SMOC2: variants seen among roughly 807,000 people sequenced by gnomAD.
The protein encoded by SMOC2 is SPARC-related modular calcium-binding protein 2.
A neutral mutation model predicts 61.4 loss-of-function variants in SMOC2; 39 were observed. The ratio of observed to expected loss-of-function variants is 0.64; its 90% CI spans 0.49 to 0.83. SMOC2 has a LOEUF of 0.83. Ranked by LOEUF, SMOC2 falls within the 40% of genes least tolerant of loss-of-function variation. The pLI is 0.00. For missense variants in SMOC2, 556 were observed against 592.9 expected, an observed-to-expected ratio of 0.94 and a Z score of 0.65; for synonymous variants, 247 against 239.9, an observed-to-expected ratio of 1.03 and a Z score of -0.27.
At position 168,544,884 on chromosome 6, in the gene SMOC2, G is replaced by A. The variant is rs1221458667; in HGVS notation, c.511+1212G>A. Among the ~76,000 whole-genome samples the A allele has an allele frequency of 6.6e-6, 1 of 152,148 alleles. No individual in the cohort carries two copies. The highest frequency in any genetic ancestry group is 1.5e-5 in the Non-Finnish European group (1 of 68,034). On this transcript the variant is annotated intron_variant, in intron 5 of 12. Coordinates refer to ENST00000356284, the MANE Select transcript of SMOC2 (RefSeq NM_001166412.2). This position sits in a 1 kb window ranked among gnomAD's most constrained non-coding sequence, Gnocchi z 4.1. ...TGTCCAGAGGGTGCCTACCAAGGAT[G>A]AGGCAGGACTGGCTTCCTGGAAGGG...
At chr6:168,566,175 C>CTCTA (rs2115133654) in intron 7 of SMOC2, among the ~76,000 whole-genome samples, 1 of 152,164 alleles carries the variant, frequency 6.6e-6, no homozygotes, top group East Asian at 1.9e-4. Context: ...TGAAAGAAAC[C>CTCTA]TCTATCCTAT....
intron 4 of SMOC2, among the ~76,000 whole-genome samples, chr6:168,529,523 G>C (rs1478285620): frequency 1.3e-5 from 2 of 152,228 alleles, no homozygotes; most frequent in Non-Finnish European, 2.9e-5. Flanking sequence ...CAGGTCTACA[G>C]AGTTACGGAA....
At chr6:168,555,341 CCTGGGGTCCTGGGGT>C (rs2115114987) in intron 7 of SMOC2, among the ~76,000 whole-genome samples, 1 of 152,352 alleles carries the variant, frequency 6.6e-6, no homozygotes, top group East Asian at 1.9e-4. Context: ...GGTCCTGTGA[CCTGGGGTCCTGGGGT>C]TGGCTGGTTG....
At chr6:168,630,737 T>C (rs939095948) in intron 9 of SMOC2, among the ~76,000 whole-genome samples, 1 of 152,198 alleles carries the variant, frequency 6.6e-6, no homozygotes, top group Non-Finnish European at 1.5e-5. Context: ...GGAACATCCC[T>C]GAGAAAGAGA....
chr6:168,614,647 A>T (rs1281636533), intron 9 of SMOC2, among the ~76,000 whole-genome samples: 806 of 88,902 alleles, frequency 9.1e-3, no homozygotes, highest in Non-Finnish European at 0.011. Flanking sequence ...CTTCACACCT[A>T]CAGCCAGCAC....
At chr6:168,638,239 G>A (rs4708770) in intron 9 of SMOC2, among the ~76,000 whole-genome samples, 146,219 of 152,042 alleles carry the variant, frequency 0.96, 70,625 homozygotes, top group East Asian at 1. Flanking sequence ...TGTTGTTATT[G>A]TTATTATTAT....
chr6:168,498,006 C>T (rs923247970), intron 1 of SMOC2, among the ~76,000 whole-genome samples: 2 of 152,182 alleles, frequency 1.3e-5, no homozygotes, highest in Non-Finnish European at 2.9e-5. Flanking sequence ...CGGGACTGCA[C>T]AGCCGCTGCC....
At chr6:168,600,929 A>G (rs1163395833) in intron 8 of SMOC2, among the ~76,000 whole-genome samples, 1 of 152,220 alleles carries the variant, frequency 6.6e-6, no homozygotes, top group Non-Finnish European at 1.5e-5. Flanking sequence ...GTTCATGGAA[A>G]TTGTATAACC....
intron 4 of SMOC2, 36 bp downstream of exon 4, chr6:168,527,763 A>G: frequency 7.2e-7 from 1 of 1,382,244 alleles, no homozygotes; most frequent in Non-Finnish European, 1.0e-6. Context: ...GGAAGGCTTG[A>G]AGGGAATTGG....
Position 168,576,403 on chromosome 6 carries a change from C to T in SMOC2, c.638-22415C>T, listed in dbSNP as rs573324186. Among the ~76,000 whole-genome samples the T allele has an allele frequency of 3.7e-4, 56 of 152,226 alleles. No homozygotes were observed. In the South Asian group the frequency reaches 8.5e-3, roughly 23 times the overall value. On this transcript the variant is annotated intron_variant, in intron 7 of 12. Coordinates refer to ENST00000356284, the MANE Select transcript of SMOC2 (RefSeq NM_001166412.2). ...CGTTGTGATCTGAGGCACGTCCAGTCGGGCAGCAGATGGCTGACATCGCAG... is the reference window on the plus strand; with the variant it reads ...CGTTGTGATCTGAGGCACGTCCAGTTGGGCAGCAGATGGCTGACATCGCAG...
chr6:168,634,414 C>G (rs1786658166), intron 9 of SMOC2, among the ~76,000 whole-genome samples: 1 of 152,078 alleles, frequency 6.6e-6, no homozygotes, highest in Non-Finnish European at 1.5e-5. Flanking sequence ...TATTTATAAC[C>G]TTCTTATGGG....
At chr6:168,479,261 A>C (rs931440250) in intron 1 of SMOC2, among the ~76,000 whole-genome samples, 1 of 152,238 alleles carries the variant, frequency 6.6e-6, no homozygotes, top group African/African-American at 2.4e-5. Flanking sequence ...GCAATTTAAG[A>C]TACAATGTTC....
At chr6:168,640,676 CAT>C (rs202184887) in intron 9 of SMOC2, among the ~76,000 whole-genome samples, 1,804 of 152,240 alleles carry the variant, frequency 0.012, 46 homozygotes, top group African/African-American at 0.041. Context: ...GGTTTAAAAA[CAT>C]AGAGAGTCTA....
intron 1 of SMOC2, among the ~76,000 whole-genome samples, chr6:168,448,724 A>G (rs1235751886): frequency 1.3e-5 from 2 of 152,196 alleles, no homozygotes; most frequent in East Asian, 3.9e-4. Flanking sequence ...TCTTCCTACC[A>G]TAAGCCTTGC....
chr6:168,563,855 C>T (rs1056103845), intron 7 of SMOC2, among the ~76,000 whole-genome samples: 5 of 152,008 alleles, frequency 3.3e-5, no homozygotes, highest in African/African-American at 7.3e-5. Flanking sequence ...TCCTCCCAAC[C>T]GGAGGCTCGG....
chr6:168,591,674 C>G (rs1476062112), intron 7 of SMOC2, among the ~76,000 whole-genome samples: 2 of 149,594 alleles, frequency 1.3e-5, no homozygotes, highest in Admixed American at 6.7e-5. Context: ...TATATGTATG[C>G]ATGTGTGTAT....
chr6:168,448,599 C>T (rs60221669), intron 1 of SMOC2, among the ~76,000 whole-genome samples: 41 of 99,578 alleles, frequency 4.1e-4, no homozygotes, highest in Non-Finnish European at 6.1e-4. Flanking sequence ...ATGGGGAGGA[C>T]GATGATGGGG....
chr6:168,511,034 G>T (rs956626529), intron 2 of SMOC2, among the ~76,000 whole-genome samples: 1 of 152,188 alleles, frequency 6.6e-6, no homozygotes, highest in Admixed American at 6.5e-5. Flanking sequence ...GTTGGATGGC[G>T]CTTGATATTG....
chr6:168,481,067 T>A (rs979064802), intron 1 of SMOC2, among the ~76,000 whole-genome samples: 1 of 152,148 alleles, frequency 6.6e-6, no homozygotes, highest in Non-Finnish European at 1.5e-5. Flanking sequence ...AGTAAACCTT[T>A]CCTGTAAGAA....
Sources: gnomAD v4.1 joint callset for allele counts (sites outside exome capture counted in the v4.1 genomes callset) on GRCh38, gnomAD v4.1.1 for gene constraint, Gnocchi (gnomAD v3.1) non-coding constraint, MANE v1.5 for transcripts, NCBI Gene and HGNC (gene_info 2026-07-23, HGNC 2026-07-21) for gene names.